TXNRD2: variants seen among roughly 807,000 people sequenced by gnomAD.
TXNRD2 encodes the protein thioredoxin reductase 2.
A neutral mutation model predicts 70.8 loss-of-function variants in TXNRD2; 67 were observed. The ratio of observed to expected loss-of-function variants is 0.95; its 90% CI spans 0.78 to 1.16. The LOEUF is 1.16. Among genes scored for constraint, TXNRD2 ranks in the 50% most tolerant of loss-of-function variants. The probability of loss-of-function intolerance (pLI) is 0.00; values close to 1 mark genes in which losing one functional copy is unlikely to be tolerated. For missense variants in TXNRD2, 644 were observed against 719.9 expected (o/e 0.89, Z 1.21); for synonymous variants, 301 against 295.8 (o/e 1.02, Z -0.18).
intron 1 of TXNRD2, among the ~76,000 whole-genome samples, chr22:19,937,582 C>A (rs997051412): frequency 6.6e-6 from 1 of 152,138 alleles, no homozygotes; most frequent in Non-Finnish European, 1.5e-5. Context: ...GGCGTTGGAT[C>A]GGAGACCCAC....
intron 11 of TXNRD2, chr22:19,895,133 T>C: frequency 6.3e-7 from 1 of 1,598,476 alleles, no homozygotes; most frequent in Non-Finnish European, 8.5e-7. Flanking sequence ...TGATGCCGTC[T>C]CAGTCTCTTC....
intron 11 of TXNRD2, among the ~76,000 whole-genome samples, chr22:19,886,957 T>G (rs1196890601): frequency 6.6e-6 from 1 of 151,976 alleles, no homozygotes; most frequent in Non-Finnish European, 1.5e-5. Context: ...GCCAGCTGAG[T>G]GGGGGCTTCT....
intron 10 of TXNRD2, among the ~76,000 whole-genome samples, chr22:19,896,073 G>A (rs904845180): frequency 6.6e-6 from 1 of 151,910 alleles, no homozygotes; most frequent in Non-Finnish European, 1.5e-5. Context: ...TGAGGCGGGC[G>A]GATCACGAGG....
chr22:19,901,380 G>A (rs1158024187), intron 8 of TXNRD2, among the ~76,000 whole-genome samples: 1 of 152,220 alleles, frequency 6.6e-6, no homozygotes, highest in East Asian at 1.9e-4. Context: ...CAGCTAGGAG[G>A]AGGTGGGTGC....
rs761671459 is a variant in TXNRD2 at position 19,941,808 on chromosome 22, G to C, written c.-5C>G. On this transcript the variant is annotated 5_prime_UTR_variant, in exon 1 of 18. Coordinates refer to ENST00000400521, the MANE Select transcript of TXNRD2 (RefSeq NM_006440.5). ...CGCCACCGCCATTGCCGCCATCGTCGTGGGGCTTCTGGGGCAGCTAGGGCT... is the reference window on the plus strand; with the variant it reads ...CGCCACCGCCATTGCCGCCATCGTCCTGGGGCTTCTGGGGCAGCTAGGGCT... 6.5e-7 allele frequency: 1 copy of C among 1,532,894 alleles called. No homozygotes were observed. Among genetic ancestry groups the C allele is most frequent in the East Asian group, 2.6e-5 (1 of 38,062 alleles). The allele number at this position is 1,532,894 out of a possible 1,614,324, so 95.0% of individuals were successfully genotyped here.
intron 5 of TXNRD2, 127 bp downstream of exon 5, chr22:19,918,016 T>C: frequency 1.3e-6 from 1 of 799,434 alleles, no homozygotes; most frequent in East Asian, 2.5e-5. Flanking sequence ...TCCCCACCCA[T>C]GAGCAGGACA....
intron 2 of TXNRD2, among the ~76,000 whole-genome samples, chr22:19,923,552 C>A (rs187370031): frequency 2.6e-5 from 4 of 152,170 alleles, no homozygotes; most frequent in Admixed American, 2.6e-4. Flanking sequence ...TTTGGGAGGC[C>A]GAGGCGGGCA....
rs1428300695 is a variant in TXNRD2, at chr22:19,941,744, C to G, written c.60G>C (p.Gln20His). The G allele has an allele frequency of 6.7e-7, 1 of 1,498,406 alleles. No homozygotes were observed. The highest frequency in any genetic ancestry group is 8.8e-7 in the Non-Finnish European group (1 of 1,131,842). 92.8% of individuals were successfully genotyped at this position (1,498,406 alleles called of 1,614,324 possible). ...CGCCCCGCACCCCGCCCGCCACGGC[C>G]TGCGTCCGCCACCGGAAGCGCCCTC... ...GLGGRFRWRT[Q>H]AVAGGVRGAA... Residue 20 changes from glutamine to histidine, a missense_variant, in exon 1 of 18, where the codon CAG becomes CAC. Around this residue, in one of 3 missense-constraint regions of TXNRD2, gnomAD observed 71 missense variants for 53.6 expected, o/e 1.33. Transcript: ENST00000400521.
chr22:19,898,510 C>CTTTTTTTT (rs386394954), intron 9 of TXNRD2, among the ~76,000 whole-genome samples: 7 of 94,390 alleles, frequency 7.4e-5, no homozygotes, highest in Admixed American at 2.4e-4. Context: ...CGGCTTGGGG[C>CTTTTTTTT]TTTTTTTTTT....
Position 19,916,006 on chromosome 22 carries a change from T to C in TXNRD2, c.450-163A>G, listed in dbSNP as rs1330029081. 1.4e-5 allele frequency: 9 copies of C among 659,602 alleles called. No individual in the cohort carries two copies. In the East Asian group the frequency reaches 1.4e-4, roughly 10 times the overall value. The allele number at this position is 659,602 out of a possible 1,614,324, so 40.9% of individuals were successfully genotyped here. A position where few individuals can be genotyped will look rare whatever the true frequency, so the allele number is the denominator to read the frequency against. On this transcript the variant is annotated intron_variant, in intron 5 of 17. Coordinates refer to ENST00000400521, the MANE Select transcript of TXNRD2 (RefSeq NM_006440.5). The stretch of plus-strand genomic sequence containing the variant: ...TAAGCGGCAACCATGCTGAGAAGCA[T>C]GGAGGGGATGTGGGGGCACCTCGCC...
intron 2 of TXNRD2, among the ~76,000 whole-genome samples, chr22:19,930,355 T>C (rs890938479): frequency 2.6e-5 from 4 of 152,046 alleles, no homozygotes; most frequent in Admixed American, 1.3e-4. Context: ...TATCATTGTG[T>C]AGACATGGCC....
chr22:19,930,886 A>G (rs905885737), intron 2 of TXNRD2, 144 bp downstream of exon 2: 10 of 742,226 alleles, frequency 1.3e-5, no homozygotes, highest in Admixed American at 1.9e-5. Flanking sequence ...AGTGGCAGGG[A>G]ACAAGCCACA....
chr22:19,889,674 C>G (rs1171728331), intron 11 of TXNRD2, among the ~76,000 whole-genome samples: 1 of 151,940 alleles, frequency 6.6e-6, no homozygotes, highest in Non-Finnish European at 1.5e-5. Context: ...AGAGGTTTCA[C>G]TCTGTTGCTC....
chr22:19,899,384 C>A (rs920044552), intron 8 of TXNRD2, among the ~76,000 whole-genome samples: 6 of 152,236 alleles, frequency 3.9e-5, no homozygotes, highest in Non-Finnish European at 5.9e-5. Context: ...TCTCTCCCCC[C>A]GGGGCCTCCT....
intron 11 of TXNRD2, among the ~76,000 whole-genome samples, chr22:19,884,667 T>G (rs984049032): frequency 9.9e-5 from 15 of 152,126 alleles, no homozygotes; most frequent in African/African-American, 3.6e-4. Flanking sequence ...AATGGCCTCC[T>G]CCCTATCTGG....
chr22:19,938,085 C>G (rs1291054534), intron 1 of TXNRD2: 1 of 152,236 alleles, frequency 6.6e-6, no homozygotes, highest in East Asian at 1.9e-4. Flanking sequence ...TACCATTCCT[C>G]TAAATTTACT....
chr22:19,905,181 G>T (rs1000710040), intron 8 of TXNRD2, among the ~76,000 whole-genome samples: 3 of 152,030 alleles, frequency 2.0e-5, no homozygotes, highest in African/African-American at 7.2e-5. Flanking sequence ...ATCGTACAGG[G>T]ATATATCTCC....
chr22:19,919,631 T>C (rs748864610), intron 2 of TXNRD2, 32 bp from the exon 3 acceptor site: 7 of 1,549,840 alleles, frequency 4.5e-6, no homozygotes, highest in Non-Finnish European at 6.1e-6. Context: ...CAGGTGAGCA[T>C]GGGGAGCTGG....
intron 2 of TXNRD2, among the ~76,000 whole-genome samples, chr22:19,921,342 C>T (rs114985812): frequency 6.8e-6 from 1 of 146,020 alleles, no homozygotes; most frequent in African/African-American, 2.6e-5. Flanking sequence ...TTGAGCTTAG[C>T]AGGTGGAGGA....
Sources: allele counts gnomAD v4.1 joint callset (sites outside exome capture counted in the v4.1 genomes callset), GRCh38; gene constraint gnomAD v4.1.1; regional missense constraint gnomAD v4.1.1; transcripts MANE v1.5; gene names NCBI Gene and HGNC (gene_info 2026-07-23, HGNC 2026-07-21).